The following PLA2G4E variants were observed in gnomAD, a reference collection of about 807,000 sequenced individuals.
The protein encoded by PLA2G4E is phospholipase A2 group IVE.
In PLA2G4E, 84 loss-of-function variants were observed where a neutral mutation model predicts 109.1. The ratio of observed to expected loss-of-function variants is 0.77; its 90% CI spans 0.65 to 0.92. The LOEUF (loss-of-function observed/expected upper bound fraction) is 0.92, where lower values mean the gene tolerates loss of function less well. Among genes scored for constraint, PLA2G4E ranks in the 40% least tolerant of loss-of-function variants. The pLI is 0.00. For synonymous variants in PLA2G4E, 469 were observed against 436.1 expected, an observed-to-expected ratio of 1.08 and a Z score of -0.94; for missense variants, 1,057 against 1,076.6, an observed-to-expected ratio of 0.98 and a Z score of 0.25.
intron 5 of PLA2G4E, 90 bp from the exon 6 acceptor site, chr15:42,002,786 A>G (rs2068435722): frequency 1.0e-5 from 12 of 1,189,098 alleles, no homozygotes; most frequent in Non-Finnish European, 2.4e-6. Flanking sequence ...AGGGTCAATA[A>G]CAAAATATCA....
rs751789677 is a variant in PLA2G4E at position 41,992,785 on chromosome 15, G to T, written c.1422C>A (p.Thr474=). 8 of 1,613,190 alleles carry T rather than the reference G, an allele frequency of 5.0e-6. No homozygotes were observed. In the Admixed American group the frequency reaches 6.7e-5, roughly 13 times the overall value. ...TCAGCAGGCCCCAGAAGTCTGTAAAGGTGACCCTGTAGCCTTCCTGGCTGC... is the reference window on the plus strand; with the variant it reads ...TCAGCAGGCCCCAGAAGTCTGTAAATGTGACCCTGTAGCCTTCCTGGCTGC... Residue 474 remains threonine, a synonymous_variant, in exon 13 of 20, where the codon ACC becomes ACA. Coordinates refer to ENST00000399518, the Ensembl canonical transcript of PLA2G4E.
chr15:42,026,760 G>A (rs764550861), intron 1 of PLA2G4E, among the ~76,000 whole-genome samples: 11 of 152,120 alleles, frequency 7.2e-5, no homozygotes, highest in African/African-American at 1.2e-4. Context: ...ATCATTTGAG[G>A]TCAGGAGTTC....
chr15:41,985,421 C>A (rs192801727), intron 18 of PLA2G4E, among the ~76,000 whole-genome samples: 87 of 152,310 alleles, frequency 5.7e-4, no homozygotes, highest in African/African-American at 1.9e-3. Flanking sequence ...TCCCTCCCAC[C>A]TGAGAGCACT....
chr15:41,997,135 G>T, exon 11 of PLA2G4E: 1 of 1,568,622 alleles, frequency 6.4e-7, no homozygotes, highest in South Asian at 1.2e-5. Flanking sequence ...TCGTCCTCCT[G>T]CAGGTCTTCC....
chr15:42,014,903 G>A (rs7163822), intron 1 of PLA2G4E, among the ~76,000 whole-genome samples: 70,793 of 151,510 alleles, frequency 0.47, 17,267 homozygotes, highest in African/African-American at 0.59. Flanking sequence ...ATAACCCCAG[G>A]GGACCAGAGC....
At chr15:42,031,030 C>T (rs890669371) in intron 1 of PLA2G4E, among the ~76,000 whole-genome samples, 2 of 152,250 alleles carry the variant, frequency 1.3e-5, no homozygotes, top group African/African-American at 2.4e-5. Flanking sequence ...TACAGTGGCA[C>T]AATCAGGGCT....
intron 5 of PLA2G4E, among the ~76,000 whole-genome samples, chr15:42,003,780 C>A (rs1306101758): frequency 1.3e-5 from 2 of 152,260 alleles, no homozygotes; most frequent in African/African-American, 4.8e-5. Context: ...GGGGGCTCAG[C>A]CCTGCCAGGT....
intron 13 of PLA2G4E, among the ~76,000 whole-genome samples, chr15:41,992,435 G>A (rs989610806): frequency 7.2e-5 from 11 of 152,146 alleles, no homozygotes; most frequent in Non-Finnish European, 1.6e-4. Context: ...AGTCTTCCCC[G>A]GCTTCCTCCC....
chr15:42,041,201 T>C (rs1889309211), intron 1 of PLA2G4E, among the ~76,000 whole-genome samples: 1 of 152,250 alleles, frequency 6.6e-6, no homozygotes, highest in African/African-American at 2.4e-5. Flanking sequence ...AAACACTTGC[T>C]CAAATCCTCA....
At chr15:42,012,347 A>G (rs2068544164) in intron 2 of PLA2G4E, among the ~76,000 whole-genome samples, 1 of 152,050 alleles carries the variant, frequency 6.6e-6, no homozygotes, top group South Asian at 2.1e-4. Flanking sequence ...CTGGTTCTCC[A>G]TACCTGGCTT....
exon 13 of PLA2G4E, chr15:41,992,742 C>G (rs758988008): frequency 4.3e-6 from 7 of 1,611,184 alleles, no homozygotes; most frequent in Non-Finnish European, 5.1e-6. Flanking sequence ...CCTACCTCGT[C>G]CCCCAGGCAG....
In PLA2G4E at chr15:42,007,713, G is replaced by T. The variant is rs1375495755; in HGVS notation, c.393+16C>A. On this transcript the variant is annotated intron_variant, in intron 3 of 19. Coordinates refer to ENST00000399518, the Ensembl canonical transcript of PLA2G4E. Reference sequence around the variant, plus strand: ...AATGCAGACAGGGAAGACAGGTGCAGTCCTCCATGTCTCACCTTCACTCGG... The same window carrying T: ...AATGCAGACAGGGAAGACAGGTGCATTCCTCCATGTCTCACCTTCACTCGG... The T allele has an allele frequency of 6.2e-7, 1 of 1,609,048 alleles. No homozygotes were observed. The highest frequency in any genetic ancestry group is 8.5e-7 in the Non-Finnish European group (1 of 1,177,382).
intron 15 of PLA2G4E, 101 bp downstream of exon 15, chr15:41,989,314 G>C: frequency 6.7e-7 from 1 of 1,495,080 alleles, no homozygotes; most frequent in Non-Finnish European, 9.1e-7. Context: ...ATGAGACAAT[G>C]CTGGCAAGTG....
At position 41,996,923 on chromosome 15, in the gene PLA2G4E, T is replaced by G. The variant is rs561462333; in HGVS notation, c.1110+201A>C. Among the ~76,000 whole-genome samples, 7 of 152,272 alleles carry G rather than the reference T, an allele frequency of 4.6e-5. No homozygotes were observed. The East Asian group carries it at 1.4e-3, about 29-fold the overall frequency. ...AGGCGCTGGGGCTCTGTCCTTTCTGTCTCCATTTTGCTCTCCCCTTCTCTT... is the reference window on the plus strand; with the variant it reads ...AGGCGCTGGGGCTCTGTCCTTTCTGGCTCCATTTTGCTCTCCCCTTCTCTT... On this transcript the variant is annotated intron_variant, in intron 11 of 19. Coordinates refer to ENST00000399518, the Ensembl canonical transcript of PLA2G4E.
rs115346949 is a variant in PLA2G4E, at chr15:42,043,112, G to A, written c.183+7409C>T. On this transcript the variant is annotated intron_variant, in intron 1 of 19. Coordinates refer to ENST00000399518, the Ensembl canonical transcript of PLA2G4E. Reference sequence around the variant, plus strand: ...GAGGAGACTCCTACACTGGGCAAGCGGGGGTGGCTCTGGAAACCTAATGAT... The same window carrying A: ...GAGGAGACTCCTACACTGGGCAAGCAGGGGTGGCTCTGGAAACCTAATGAT... Among the ~76,000 whole-genome samples the A allele has an allele frequency of 3.9e-5, 6 of 152,260 alleles. No individual in the cohort carries two copies. In the East Asian group the frequency reaches 5.8e-4, roughly 15 times the overall value.
chr15:41,985,872 G>T (rs778107140), exon 18 of PLA2G4E: 8 of 1,611,290 alleles, frequency 5.0e-6, no homozygotes, highest in Non-Finnish European at 6.8e-6. Context: ...AGTTGAGGTG[G>T]ATGATGAGGT....
intron 13 of PLA2G4E, among the ~76,000 whole-genome samples, chr15:41,991,473 C>G (rs2068247197): frequency 7.0e-6 from 1 of 142,334 alleles, no homozygotes; most frequent in Non-Finnish European, 1.5e-5. Context: ...TCTGCCTGCT[C>G]TGCTTCATAG....
chr15:42,005,982 G>T lies in PLA2G4E; in HGVS notation c.525+8C>A. On this transcript the variant is annotated splice_region_variant and intron_variant, in intron 4 of 19. Transcript: ENST00000399518. ...GCCGGAGTCTGAGGGCCTGTACCCTGCACCCACCTGCGGGTTGAGTGGAAA... is the reference window on the plus strand; with the variant it reads ...GCCGGAGTCTGAGGGCCTGTACCCTTCACCCACCTGCGGGTTGAGTGGAAA... 6.2e-7 allele frequency: 1 copy of T among 1,613,452 alleles called. No individual in the cohort carries two copies. The highest frequency in any genetic ancestry group is 8.5e-7 in the Non-Finnish European group (1 of 1,179,506).
intron 1 of PLA2G4E, among the ~76,000 whole-genome samples, chr15:42,016,111 T>C (rs1418158380): frequency 6.6e-6 from 1 of 152,186 alleles, no homozygotes; most frequent in Non-Finnish European, 1.5e-5. Flanking sequence ...AGAATCACTT[T>C]ATACCTTTTT....
Sources: allele counts gnomAD v4.1 joint callset (sites outside exome capture counted in the v4.1 genomes callset), GRCh38; gene constraint gnomAD v4.1.1; transcripts MANE v1.5; gene names NCBI Gene and HGNC (gene_info 2026-07-23, HGNC 2026-07-21).